The following PLD5 variants were observed in gnomAD, a reference collection of about 807,000 sequenced individuals.
The protein encoded by PLD5 is inactive phospholipase D5.
Under a neutral mutation model 61.1 loss-of-function variants are expected in PLD5, and 36 were observed. That is an observed-to-expected ratio of 0.59 (90% CI 0.45 to 0.78). PLD5 has a LOEUF of 0.78. Ranked by LOEUF, PLD5 falls within the 30% of genes least tolerant of loss-of-function variation. PLD5 has a pLI of 0.00. For missense variants in PLD5, 515 were observed against 644.4 expected (o/e 0.80, Z 2.17); for synonymous variants, 243 against 242.8 (o/e 1.00, Z -0.01).
intron 5 of PLD5, among the ~76,000 whole-genome samples, chr1:242,207,852 T>A (rs7525409): frequency 0.16 from 4,444 of 27,462 alleles, 1,517 homozygotes; most frequent in East Asian, 0.48. Flanking sequence ...TTATATATAT[T>A]TATATATTTA....
At chr1:242,238,755 A>G (rs544425390) in intron 4 of PLD5, among the ~76,000 whole-genome samples, 2 of 152,218 alleles carry the variant, frequency 1.3e-5, no homozygotes, top group Non-Finnish European at 2.9e-5. Context: ...TAGAAGTTCA[A>G]TGATATGGCT....
intron 2 of PLD5, among the ~76,000 whole-genome samples, chr1:242,347,828 C>A (rs187445998): frequency 6.6e-6 from 1 of 152,254 alleles, no homozygotes; most frequent in Admixed American, 6.5e-5. Flanking sequence ...CAAAACAAAC[C>A]TCATATACAG....
chr1:242,443,648 C>T (rs570644975), intron 1 of PLD5, among the ~76,000 whole-genome samples: 4 of 152,220 alleles, frequency 2.6e-5, no homozygotes, highest in East Asian at 1.9e-4. Context: ...GAAGAGTGAA[C>T]GTAAACTGTA....
At chr1:242,433,929 C>T (rs976163345) in intron 1 of PLD5, among the ~76,000 whole-genome samples, 1 of 152,154 alleles carries the variant, frequency 6.6e-6, no homozygotes, top group Non-Finnish European at 1.5e-5. Context: ...GTAAGGGAGA[C>T]TGACAGAAAA....
At chr1:242,371,737 A>G (rs1414308341) in intron 1 of PLD5, among the ~76,000 whole-genome samples, 2 of 152,212 alleles carry the variant, frequency 1.3e-5, no homozygotes, top group African/African-American at 4.8e-5. Flanking sequence ...CAAGGGGGCT[A>G]CAGAAATACA....
chr1:242,307,356 A>ACGG (rs71176745), intron 2 of PLD5, among the ~76,000 whole-genome samples: 103,056 of 148,498 alleles, frequency 0.69, 36,349 homozygotes, highest in Admixed American at 0.76. Context: ...GACGGTGATG[A>ACGG]TGATGGTGAT....
intron 1 of PLD5, among the ~76,000 whole-genome samples, chr1:242,438,001 T>C (rs1666083813): frequency 6.6e-6 from 1 of 152,216 alleles, no homozygotes; most frequent in African/African-American, 2.4e-5. Flanking sequence ...AATTTGCACT[T>C]GTTTCTACCC....
intron 2 of PLD5, among the ~76,000 whole-genome samples, chr1:242,332,204 A>T (rs1659227100): frequency 6.6e-6 from 1 of 152,172 alleles, no homozygotes. Context: ...TGTCCCTGCA[A>T]AGGACATGAA....
At chr1:242,209,385 A>AT (rs1193340092) in intron 5 of PLD5, 1 of 152,112 alleles carries the variant, frequency 6.6e-6, no homozygotes, top group East Asian at 1.9e-4. Context: ...GCCTTATTGC[A>AT]TTTTTTACAA....
At chr1:242,305,886 C>A (rs1434088871) in intron 2 of PLD5, among the ~76,000 whole-genome samples, 1 of 152,116 alleles carries the variant, frequency 6.6e-6, no homozygotes, top group Non-Finnish European at 1.5e-5. Flanking sequence ...AGAGATGACA[C>A]AGGGTGTCTG....
At chr1:242,196,352 A>G (rs1393768200) in intron 5 of PLD5, among the ~76,000 whole-genome samples, 2 of 152,146 alleles carry the variant, frequency 1.3e-5, no homozygotes, top group East Asian at 3.9e-4. Flanking sequence ...AGGTGGAATC[A>G]TCCCAACTCC....
chr1:242,292,947 T>C (rs1368383507), intron 2 of PLD5, among the ~76,000 whole-genome samples: 1 of 152,202 alleles, frequency 6.6e-6, no homozygotes, highest in Non-Finnish European at 1.5e-5. Flanking sequence ...AAAAACATGA[T>C]TCAGGGAATA....
At chr1:242,336,368 A>G (rs1659511089) in intron 2 of PLD5, among the ~76,000 whole-genome samples, 1 of 152,162 alleles carries the variant, frequency 6.6e-6, no homozygotes, top group African/African-American at 2.4e-5. Context: ...CCATTGTGGC[A>G]CTGGTCATTA....
At chr1:242,312,130 T>A (rs1287757489) in intron 2 of PLD5, among the ~76,000 whole-genome samples, 1 of 152,084 alleles carries the variant, frequency 6.6e-6, no homozygotes, top group Non-Finnish European at 1.5e-5. Flanking sequence ...TTTAGCTCTT[T>A]AAGTGTATTT....
intron 5 of PLD5, among the ~76,000 whole-genome samples, chr1:242,169,964 CT>C (rs1201445452): frequency 6.6e-6 from 1 of 152,336 alleles, no homozygotes; most frequent in East Asian, 1.9e-4. Context: ...CCTCATCTCT[CT>C]GGGACAGAGC....
intron 8 of PLD5, among the ~76,000 whole-genome samples, chr1:242,104,201 T>C (rs1273310008): frequency 1.3e-5 from 2 of 151,966 alleles, no homozygotes; most frequent in African/African-American, 2.4e-5. Context: ...ACTGCAGCCT[T>C]GAACTCCTAG....
intron 2 of PLD5, among the ~76,000 whole-genome samples, chr1:242,306,784 C>T (rs1676388684): frequency 4.6e-5 from 2 of 43,118 alleles, no homozygotes; most frequent in South Asian, 2.4e-3. Flanking sequence ...CACACACACA[C>T]ACACACACCC....
intron 1 of PLD5, among the ~76,000 whole-genome samples, chr1:242,488,009 G>A (rs1162568666): frequency 6.6e-6 from 1 of 152,094 alleles, no homozygotes; most frequent in African/African-American, 2.4e-5. Flanking sequence ...GTATGTAGGT[G>A]TGCAGTGAGA....
intron 1 of PLD5, among the ~76,000 whole-genome samples, chr1:242,464,784 A>G (rs4658816): frequency 0.69 from 104,663 of 152,004 alleles, 36,775 homozygotes; most frequent in African/African-American, 0.83. Context: ...GAAGCACAAC[A>G]TGGTGTCTAT....
Sources: allele counts gnomAD v4.1 joint callset (sites outside exome capture counted in the v4.1 genomes callset), GRCh38; gene constraint gnomAD v4.1.1; transcripts MANE v1.5; gene names NCBI Gene and HGNC (gene_info 2026-07-23, HGNC 2026-07-21).